ACAP2: variants seen among roughly 807,000 people sequenced by gnomAD.
ACAP2 encodes the protein arf-GAP with coiled-coil, ANK repeat and PH domain-containing protein 2.
Under a neutral mutation model 115.8 loss-of-function variants are expected in ACAP2, and 39 were observed. The ratio of observed to expected loss-of-function variants is 0.34; its 90% CI spans 0.26 to 0.44. ACAP2 has a LOEUF of 0.44. ACAP2 is among the 20% of genes least tolerant of loss of function. The pLI is 1.00. For missense variants in ACAP2, 662 were observed against 927.6 expected (o/e 0.71, Z 3.72); for synonymous variants, 289 against 315.8 (o/e 0.92, Z 0.90).
chr3:195,352,410 A>G (rs1204591605), intron 4 of ACAP2, among the ~76,000 whole-genome samples: 4 of 152,208 alleles, frequency 2.6e-5, no homozygotes, highest in Non-Finnish European at 1.5e-5. Flanking sequence ...ACAATAAATA[A>G]AAGAAATTAA....
intron 22 of ACAP2, 43 bp downstream of exon 22, chr3:195,285,746 AATGCATT>A (rs1455190013): frequency 2.1e-6 from 3 of 1,404,908 alleles, no homozygotes; most frequent in Non-Finnish European, 3.0e-6. Flanking sequence ...TAAATTCCTG[AATGCATT>A]TCTTATACTG....
intron 1 of ACAP2, chr3:195,419,387 T>C (rs542719536): frequency 6.6e-6 from 1 of 152,298 alleles, no homozygotes; most frequent in Non-Finnish European, 1.5e-5. Context: ...TCACTTTTTT[T>C]CAAATATTTT....
intron 1 of ACAP2, among the ~76,000 whole-genome samples, chr3:195,404,749 T>C (rs919544429): frequency 4.0e-5 from 6 of 148,350 alleles, no homozygotes; most frequent in South Asian, 2.1e-4. Context: ...TATACACACA[T>C]ACGTATTTAT....
rs201798679 is a variant in ACAP2, at chr3:195,312,073, A to G, written c.858-3236T>C. 1.3e-4 allele frequency among the ~76,000 whole-genome samples: 20 copies of G among 152,004 alleles called. No individual in the cohort carries two copies. The East Asian group carries it at 2.1e-3, about 16-fold the overall frequency. Reference sequence around the variant, plus strand: ...TTGGGCAGGAAAAGAAAAAATACATAAACAAAAAATTCGAGTTATCTTTTA... The same window carrying G: ...TTGGGCAGGAAAAGAAAAAATACATGAACAAAAAATTCGAGTTATCTTTTA... On this transcript the variant is annotated intron_variant, in intron 10 of 22. Transcript: ENST00000326793.
chr3:195,385,834 G>A (rs1298906298), intron 2 of ACAP2, among the ~76,000 whole-genome samples: 1 of 152,190 alleles, frequency 6.6e-6, no homozygotes, highest in Admixed American at 6.5e-5. Flanking sequence ...AAATAATATA[G>A]ATGGTCAGAC....
intron 4 of ACAP2, among the ~76,000 whole-genome samples, chr3:195,359,819 A>G (rs1184459055): frequency 6.6e-6 from 1 of 152,196 alleles, no homozygotes; most frequent in Admixed American, 6.5e-5. Flanking sequence ...TTATGCAATC[A>G]GTGTTGATTT....
chr3:195,294,939 T>C, intron 17 of ACAP2, 128 bp from the exon 18 acceptor site: 1 of 548,386 alleles, frequency 1.8e-6, no homozygotes, highest in Admixed American at 3.0e-5. Flanking sequence ...GAGAATGCAT[T>C]TAATATAATT....
chr3:195,394,545 G>C (rs1172728744), intron 1 of ACAP2, among the ~76,000 whole-genome samples: 1 of 152,230 alleles, frequency 6.6e-6, no homozygotes, highest in Admixed American at 6.5e-5. Context: ...GCAAGGCACA[G>C]TGGCTCACGC....
At chr3:195,317,109 G>A (rs2109018061) in intron 10 of ACAP2, among the ~76,000 whole-genome samples, 1 of 151,598 alleles carries the variant, frequency 6.6e-6, no homozygotes, top group South Asian at 2.1e-4. Context: ...TGTTGGCCAG[G>A]CTGGTCTCAA....
chr3:195,285,751 AT>A (rs1453173640), intron 22 of ACAP2, 44 bp downstream of exon 22: 1 of 1,459,026 alleles, frequency 6.9e-7, no homozygotes, highest in Non-Finnish European at 9.5e-7. Flanking sequence ...TCCTGAATGC[AT>A]TTCTTATACT....
At chr3:195,415,783 T>G (rs1452171815) in intron 1 of ACAP2, among the ~76,000 whole-genome samples, 1 of 152,082 alleles carries the variant, frequency 6.6e-6, no homozygotes, top group Non-Finnish European at 1.5e-5. Context: ...ATAAAATATA[T>G]ATGCAAAATG....
At chr3:195,368,346 C>T (rs957904142) in intron 4 of ACAP2, among the ~76,000 whole-genome samples, 5 of 152,148 alleles carry the variant, frequency 3.3e-5, no homozygotes, top group African/African-American at 1.2e-4. Flanking sequence ...GACGGGGTTT[C>T]ACCATGTTGG....
intron 5 of ACAP2, 132 bp from the exon 6 acceptor site, chr3:195,342,786 G>C (rs1031850044): frequency 1.7e-6 from 1 of 601,304 alleles, no homozygotes; most frequent in African/African-American, 1.9e-5. Flanking sequence ...ATGAGGTCAA[G>C]AGATCGAGAC....
chr3:195,290,235 AG>A (rs1390870448), intron 20 of ACAP2, among the ~76,000 whole-genome samples: 1 of 151,972 alleles, frequency 6.6e-6, no homozygotes, highest in Non-Finnish European at 1.5e-5. Context: ...CGGGAGTGGC[AG>A]GGCATGCCTG....
chr3:195,441,359 C>T (rs1049815277), intron 1 of ACAP2, among the ~76,000 whole-genome samples: 20 of 152,174 alleles, frequency 1.3e-4, no homozygotes, highest in African/African-American at 4.6e-4. Flanking sequence ...TCTCTTGAGT[C>T]CTTCAATAAT....
intron 1 of ACAP2, among the ~76,000 whole-genome samples, chr3:195,420,845 T>C (rs866421126): frequency 2.7e-4 from 41 of 152,224 alleles, no homozygotes; most frequent in African/African-American, 9.9e-4. Context: ...GGTTTCACCA[T>C]GTTGGCCAGG....
intron 4 of ACAP2, among the ~76,000 whole-genome samples, chr3:195,354,912 G>A (rs1329984708): frequency 6.6e-6 from 1 of 152,236 alleles, no homozygotes; most frequent in African/African-American, 2.4e-5. Flanking sequence ...CACGCAGGCT[G>A]GAGTGCAATG....
chr3:195,305,929 C>T (rs893849988), intron 13 of ACAP2, among the ~76,000 whole-genome samples: 1 of 152,024 alleles, frequency 6.6e-6, no homozygotes, highest in African/African-American at 2.4e-5. Flanking sequence ...GTCGATCCCC[C>T]TAACCATACT....
intron 1 of ACAP2, among the ~76,000 whole-genome samples, chr3:195,433,249 T>C (rs568628431): frequency 2.0e-5 from 3 of 152,364 alleles, no homozygotes; most frequent in East Asian, 3.8e-4. Context: ...GTAAATGTTA[T>C]GTGTAAATAG....
Sources: allele counts gnomAD v4.1 joint callset (sites outside exome capture counted in the v4.1 genomes callset), GRCh38; gene constraint gnomAD v4.1.1; transcripts MANE v1.5; gene names NCBI Gene and HGNC (gene_info 2026-07-23, HGNC 2026-07-21).